ABCB1: variants seen among roughly 807,000 people sequenced by gnomAD.
ABCB1 encodes the protein ATP binding cassette subfamily B member 1.
A neutral mutation model predicts 142.0 loss-of-function variants in ABCB1; 69 were observed. The observed-to-expected ratio is 0.49, with a 90% CI of 0.40 to 0.59. ABCB1 has a LOEUF of 0.59. Ranked by LOEUF, ABCB1 falls within the 20% of genes least tolerant of loss-of-function variation. The probability of loss-of-function intolerance (pLI) is 0.00; values close to 1 mark genes in which losing one functional copy is unlikely to be tolerated. For synonymous variants in ABCB1, 532 were observed against 539.2 expected, an observed-to-expected ratio of 0.99 and a Z score of 0.18; for missense variants, 1,326 against 1,554.7, an observed-to-expected ratio of 0.85 and a Z score of 2.47.
At chr7:87,560,731 A>G (rs1244150711) in intron 8 of ABCB1, among the ~76,000 whole-genome samples, 1 of 152,226 alleles carries the variant, frequency 6.6e-6, no homozygotes, top group African/African-American at 2.4e-5. Flanking sequence ...AAATTTCAAT[A>G]AATTACCATC....
At chr7:87,557,143 A>G (rs1817345794) in intron 8 of ABCB1, among the ~76,000 whole-genome samples, 1 of 151,992 alleles carries the variant, frequency 6.6e-6, no homozygotes. Context: ...TTAAATCAAT[A>G]TTTTTATTTT....
chr7:87,636,715 T>G (rs1041412206), intron 1 of ABCB1, among the ~76,000 whole-genome samples: 1 of 152,216 alleles, frequency 6.6e-6, no homozygotes, highest in Non-Finnish European at 1.5e-5. Context: ...CTGTAGTTTA[T>G]TTATGATGTG....
At chr7:87,626,198 A>ATTGTCATATATGTGTGTCATATATAT (rs11440100) in intron 1 of ABCB1, among the ~76,000 whole-genome samples, 1 of 12,960 alleles carries the variant, frequency 7.7e-5, no homozygotes, top group African/African-American at 5.4e-4. Context: ...TGTCATATAT[A>ATTGTCATATATGTGTGTCATATATAT]TGTCATATAT....
chr7:87,629,228 T>A (rs181778765), intron 1 of ABCB1: 154 of 335,238 alleles, frequency 4.6e-4, no homozygotes, highest in African/African-American at 3.0e-3. Flanking sequence ...CAATCTAGCG[T>A]CAGAGTGAAA....
At chr7:87,646,279 A>G (rs542891389) in intron 1 of ABCB1, among the ~76,000 whole-genome samples, 9 of 152,288 alleles carry the variant, frequency 5.9e-5, no homozygotes, top group Admixed American at 2.6e-4. Context: ...ACTAATAGCC[A>G]TGGCTTTTTC....
chr7:87,576,157 T>C (rs1365261035), intron 4 of ABCB1, among the ~76,000 whole-genome samples: 1 of 151,440 alleles, frequency 6.6e-6, no homozygotes, highest in Non-Finnish European at 1.5e-5. Flanking sequence ...TGTATATTGA[T>C]CTTTTTTTTT....
chr7:87,521,478 T>C, intron 21 of ABCB1: 4 of 739,028 alleles, frequency 5.4e-6, no homozygotes, highest in Non-Finnish European at 7.5e-6. Flanking sequence ...AGTCAGAGTC[T>C]CCTAATGAGC....
intron 4 of ABCB1, among the ~76,000 whole-genome samples, chr7:87,579,399 A>G (rs1818411784): frequency 6.6e-6 from 1 of 152,132 alleles, no homozygotes; most frequent in Non-Finnish European, 1.5e-5. Flanking sequence ...TGTTCCTTCT[A>G]TACCCAGTTT....
rs1347885425 is a variant in ABCB1, at chr7:87,585,686, AAG to A, written c.118-8_118-7del. The A allele has an allele frequency of 6.2e-7, 1 of 1,613,180 alleles. No homozygotes were observed. The highest frequency in any genetic ancestry group is 8.5e-7 in the Non-Finnish European group (1 of 1,179,792). On this transcript the variant is annotated splice_polypyrimidine_tract_variant and splice_region_variant and intron_variant, in intron 3 of 27. Coordinates refer to ENST00000622132, the MANE Select transcript of ABCB1 (RefSeq NM_001348946.2). ...AGCCAATTTGAATAGCGAAACTAAA[AAG>A]AGAGAAAAAAGAATAGCAGAGGAAA...
At chr7:87,528,373 A>G (rs777422967) in intron 21 of ABCB1, among the ~76,000 whole-genome samples, 1 of 152,146 alleles carries the variant, frequency 6.6e-6, no homozygotes, top group Non-Finnish European at 1.5e-5. Flanking sequence ...AAGACGAGTA[A>G]CTACATATAT....
chr7:87,510,984 GT>G (rs1367800289), intron 25 of ABCB1, among the ~76,000 whole-genome samples: 1 of 152,082 alleles, frequency 6.6e-6, no homozygotes, highest in Non-Finnish European at 1.5e-5. Context: ...TTTTGTTTTT[GT>G]TGTAATTTTC....
chr7:87,701,580 G>A (rs1010966716), intron 1 of ABCB1, among the ~76,000 whole-genome samples: 3 of 152,138 alleles, frequency 2.0e-5, no homozygotes, highest in African/African-American at 4.8e-5. Context: ...GTGCAAGGTA[G>A]GTCAGTAGAT....
intron 1 of ABCB1, among the ~76,000 whole-genome samples, chr7:87,612,279 A>T (rs1049957113): frequency 1.6e-4 from 25 of 152,008 alleles, no homozygotes; most frequent in African/African-American, 5.8e-4. Flanking sequence ...GGTACAATTT[A>T]TTTATTTTCA....
upstream of ABCB1, among the ~76,000 whole-genome samples, chr7:87,604,258 G>A (rs1326418552): frequency 6.6e-6 from 1 of 151,150 alleles, no homozygotes. Flanking sequence ...ATTTTTCCTA[G>A]CTCCTCTATT....
chr7:87,691,726 T>C (rs1828031620), intron 1 of ABCB1, among the ~76,000 whole-genome samples: 1 of 152,172 alleles, frequency 6.6e-6, no homozygotes, highest in Admixed American at 6.6e-5. Flanking sequence ...ACCTCATGTT[T>C]TTCCCCCTTC....
intron 4 of ABCB1, among the ~76,000 whole-genome samples, 161 bp downstream of exon 4, chr7:87,585,351 C>A (rs1408644595): frequency 6.6e-6 from 1 of 152,142 alleles, no homozygotes; most frequent in Non-Finnish European, 1.5e-5. Context: ...TAAATATTAT[C>A]TTTTCTAACT....
At chr7:87,686,119 C>T (rs1351049709) in intron 1 of ABCB1, among the ~76,000 whole-genome samples, 1 of 152,168 alleles carries the variant, frequency 6.6e-6, no homozygotes, top group Non-Finnish European at 1.5e-5. Flanking sequence ...TTGATGTATA[C>T]TTTCTGCTTT....
chr7:87,563,534 C>T (rs1359664916), intron 7 of ABCB1, among the ~76,000 whole-genome samples: 1 of 152,154 alleles, frequency 6.6e-6, no homozygotes, highest in Non-Finnish European at 1.5e-5. Context: ...AAATGTGATT[C>T]ATCACATAAA....
At chr7:87,634,633 A>C (rs973049787) in intron 1 of ABCB1, among the ~76,000 whole-genome samples, 1 of 152,080 alleles carries the variant, frequency 6.6e-6, no homozygotes, top group South Asian at 2.1e-4. Flanking sequence ...GTCTCAAAAA[A>C]AAAAGAAAAA....
Sources: allele counts gnomAD v4.1 joint callset (sites outside exome capture counted in the v4.1 genomes callset), GRCh38; gene constraint gnomAD v4.1.1; transcripts MANE v1.5; gene names NCBI Gene and HGNC (gene_info 2026-07-23, HGNC 2026-07-21).